The following PTPRA variants were observed in gnomAD, a reference collection of about 807,000 sequenced individuals.
PTPRA encodes protein tyrosine phosphatase receptor type A.
A neutral mutation model predicts 104.8 loss-of-function variants in PTPRA; 25 were observed. The ratio of observed to expected loss-of-function variants is 0.24; its 90% confidence interval spans 0.17 to 0.33. The LOEUF (loss-of-function observed/expected upper bound fraction) is 0.33. Ranked by LOEUF, PTPRA falls within the 10% of genes least tolerant of loss-of-function variation. The probability of loss-of-function intolerance (pLI) is 1.00; values close to 1 mark genes in which losing one functional copy is unlikely to be tolerated. For missense variants in PTPRA, 765 were observed against 1,015.3 expected (o/e 0.75, Z 3.35); for synonymous variants, 323 against 368.9 (o/e 0.88, Z 1.43).
Position 2,948,044 on chromosome 20 carries a change from T to G in PTPRA, c.-7+20T>G. ...AAGCTAGTAAGTACTGAAATAGTTT[T>G]TTAAGTTTTTTCTACAAGAATAGAG... On this transcript the variant is annotated intron_variant, in intron 3 of 23. Transcript: ENST00000399903. 4 of 1,046,824 alleles carry G rather than the reference T, an allele frequency of 3.8e-6. No homozygotes were observed. Among genetic ancestry groups the G allele is most frequent in the Non-Finnish European group, 5.1e-6 (4 of 777,900 alleles). The allele number at this position is 1,046,824 out of a possible 1,614,324, so 64.8% of individuals were successfully genotyped here. A position where few individuals can be genotyped will look rare whatever the true frequency, so the allele number is the denominator to read the frequency against.
intron 1 of PTPRA, among the ~76,000 whole-genome samples, chr20:2,893,137 G>A (rs1169272681): frequency 6.6e-6 from 1 of 152,222 alleles, no homozygotes; most frequent in Admixed American, 6.5e-5. Context: ...TAAACTGGGT[G>A]CTCTTTGAGG....
chr20:2,913,023 C>T (rs1019292534), intron 1 of PTPRA, among the ~76,000 whole-genome samples: 10 of 152,152 alleles, frequency 6.6e-5, no homozygotes, highest in African/African-American at 2.4e-4. Flanking sequence ...AGAGTCTTTT[C>T]GCTCCCTGAA....
chr20:2,989,835 G>A (rs1488280891), intron 9 of PTPRA, among the ~76,000 whole-genome samples: 2 of 152,102 alleles, frequency 1.3e-5, no homozygotes, highest in Non-Finnish European at 2.9e-5. Context: ...GGCTAACACA[G>A]TGAAACCCTG....
chr20:2,923,896 G>C (rs1200028406), intron 2 of PTPRA, among the ~76,000 whole-genome samples: 1 of 152,154 alleles, frequency 6.6e-6, no homozygotes, highest in Admixed American at 6.5e-5. Context: ...TTTTTTAAGT[G>C]GGAATGTAAA....
Position 3,027,821 on chromosome 20 carries a change from G to A in PTPRA, c.1900G>A (p.Glu634Lys). The A allele has an allele frequency of 6.2e-7, 1 of 1,614,192 alleles. No individual in the cohort carries two copies. Among genetic ancestry groups the A allele is most frequent in the Non-Finnish European group, 8.5e-7 (1 of 1,180,036 alleles). ...ATCCTGCTCTATCGTGATGCTAACA[G>A]AACTGGAGGAGAGAGGCCAGGTGAG... Reference protein sequence around the residue: ...WKSCSIVMLTELEERGQEKCA... With the variant: ...WKSCSIVMLTKLEERGQEKCA... The change falls in exon 20 of 24, where the codon GAA becomes AAA. Residue 634 changes from glutamate (E) to lysine (K), a missense_variant. Physicochemically the swap from Glu to Lys is moderately conservative, Grantham distance 56. Transcript: ENST00000399903.
intron 1 of PTPRA, among the ~76,000 whole-genome samples, chr20:2,901,558 C>CT (rs1489470389): frequency 6.6e-6 from 1 of 152,116 alleles, no homozygotes; most frequent in Non-Finnish European, 1.5e-5. Context: ...CTCATTTGTA[C>CT]TTTATTGTAA....
chr20:3,035,970 G>A lies in PTPRA; in HGVS notation c.2198+29G>A. On this transcript the variant is annotated intron_variant, in intron 22 of 23. Coordinates refer to ENST00000399903, the MANE Select transcript of PTPRA (RefSeq NM_001385305.1). The surrounding 1 kb of genome is among the most constrained non-coding windows in gnomAD (Gnocchi z 5.8). Reference sequence around the variant, plus strand: ...TGGCTCACCCTTGCCCTCAGCGGGAGAGAGAAAGCGAGGAGGGGCAGATAG... The same window carrying A: ...TGGCTCACCCTTGCCCTCAGCGGGAAAGAGAAAGCGAGGAGGGGCAGATAG... 6.2e-7 allele frequency: 1 copy of A among 1,612,222 alleles called. No individual in the cohort carries two copies. Among genetic ancestry groups the A allele is most frequent in the Non-Finnish European group, 8.5e-7 (1 of 1,179,552 alleles).
chr20:2,892,960 T>G (rs6138928), intron 1 of PTPRA, among the ~76,000 whole-genome samples: 61,671 of 151,964 alleles, frequency 0.41, 13,285 homozygotes, highest in East Asian at 0.64. Flanking sequence ...AAGCCAGCAT[T>G]AATTCTGTTT....
intron 11 of PTPRA, among the ~76,000 whole-genome samples, chr20:3,009,737 A>C (rs972175596): frequency 1.3e-5 from 2 of 152,226 alleles, no homozygotes; most frequent in Non-Finnish European, 2.9e-5. Context: ...ATCATGATGA[A>C]GAGATTAGGT....
At chr20:3,008,294 G>T (rs1217881320) in intron 11 of PTPRA, among the ~76,000 whole-genome samples, 1 of 152,206 alleles carries the variant, frequency 6.6e-6, no homozygotes, top group African/African-American at 2.4e-5. Flanking sequence ...CCTTTAAAAG[G>T]AAGGAAATTC....
intron 3 of PTPRA, among the ~76,000 whole-genome samples, chr20:2,961,977 A>C (rs1411248609): frequency 6.6e-6 from 1 of 152,202 alleles, no homozygotes; most frequent in Non-Finnish European, 1.5e-5. Context: ...TCTTTTGCTA[A>C]TACCACAGTC....
At chr20:2,919,534 C>T (rs1362757510) in intron 1 of PTPRA, among the ~76,000 whole-genome samples, 5 of 152,060 alleles carry the variant, frequency 3.3e-5, no homozygotes, top group Non-Finnish European at 7.4e-5. Context: ...CAGTCCTTAC[C>T]CTCAAGGATC....
At chr20:2,990,553 TACA>T (rs768046525) in intron 9 of PTPRA, among the ~76,000 whole-genome samples, 40 of 152,038 alleles carry the variant, frequency 2.6e-4, no homozygotes, top group Non-Finnish European at 4.7e-4. Context: ...ACCCCATCTC[TACA>T]ACAACAACAA....
At chr20:2,991,470 G>A (rs149659346) in intron 9 of PTPRA, among the ~76,000 whole-genome samples, 6 of 152,050 alleles carry the variant, frequency 3.9e-5, no homozygotes, top group Non-Finnish European at 8.8e-5. Flanking sequence ...AATCTATAAT[G>A]CCAACTGCTT....
chr20:2,898,143 C>T (rs959004435), intron 1 of PTPRA, among the ~76,000 whole-genome samples: 11 of 151,958 alleles, frequency 7.2e-5, no homozygotes, highest in Admixed American at 6.6e-4. Flanking sequence ...GTCGCCCAGG[C>T]TGGAGTGCAG....
At chr20:2,920,041 CAA>C (rs2060045290) in intron 1 of PTPRA, among the ~76,000 whole-genome samples, 1 of 152,174 alleles carries the variant, frequency 6.6e-6, no homozygotes, top group South Asian at 2.1e-4. Context: ...GTAATTGTGA[CAA>C]AGGCTGTTTG....
At chr20:3,032,524 T>C (rs937525129) in intron 20 of PTPRA, among the ~76,000 whole-genome samples, 1 of 152,150 alleles carries the variant, frequency 6.6e-6, no homozygotes, top group Non-Finnish European at 1.5e-5. Context: ...TCCCAGCACT[T>C]TGGGAGGCCA....
At chr20:2,891,284 C>T (rs1046270300) in intron 1 of PTPRA, among the ~76,000 whole-genome samples, 4 of 152,166 alleles carry the variant, frequency 2.6e-5, no homozygotes, top group African/African-American at 9.7e-5. Context: ...TAGATGGCTG[C>T]CAAAAGTGAT....
intron 1 of PTPRA, among the ~76,000 whole-genome samples, chr20:2,912,567 T>C (rs2059761944): frequency 6.6e-6 from 1 of 152,038 alleles, no homozygotes; most frequent in Non-Finnish European, 1.5e-5. Flanking sequence ...GAGGTTGAAG[T>C]GAGCTGAGAT....
Sources: gnomAD v4.1 joint callset for allele counts (sites outside exome capture counted in the v4.1 genomes callset) on GRCh38, gnomAD v4.1.1 for gene constraint, Gnocchi (gnomAD v3.1) non-coding constraint, MANE v1.5 for transcripts, NCBI Gene and HGNC (gene_info 2026-07-23, HGNC 2026-07-21) for gene names.